USP13: variants seen among roughly 807,000 people sequenced by gnomAD.
USP13 encodes the protein ubiquitin carboxyl-terminal hydrolase 13.
In USP13, 68 loss-of-function variants were observed where a neutral mutation model predicts 107.8. The observed-to-expected ratio is 0.63, with a 90% confidence interval of 0.52 to 0.77. The LOEUF (loss-of-function observed/expected upper bound fraction) is 0.77. Among genes scored for constraint, USP13 ranks in the 30% least tolerant of loss-of-function variants. The pLI is 0.00. For synonymous variants in USP13, 377 were observed against 389.5 expected (o/e 0.97, Z 0.38); for missense variants, 945 against 1,093.3 (o/e 0.86, Z 1.91).
At chr3:179,684,132 T>C (rs2108456252) in intron 2 of USP13, among the ~76,000 whole-genome samples, 1 of 152,038 alleles carries the variant, frequency 6.6e-6, no homozygotes, top group South Asian at 2.1e-4. Flanking sequence ...GGCTAACTTT[T>C]GTATTTTTAG....
intron 3 of USP13, among the ~76,000 whole-genome samples, chr3:179,698,775 T>G (rs1029785451): frequency 6.6e-6 from 1 of 152,168 alleles, no homozygotes; most frequent in African/African-American, 2.4e-5. Context: ...TGAAGATGAA[T>G]TTTGTGTTTT....
At chr3:179,771,227 T>C (rs1035469467) in intron 19 of USP13, among the ~76,000 whole-genome samples, 3 of 152,134 alleles carry the variant, frequency 2.0e-5, no homozygotes, top group African/African-American at 7.2e-5. Context: ...ACTATATCTT[T>C]CCAGGTTAAA....
At chr3:179,671,082 G>A (rs756444560) in intron 1 of USP13, among the ~76,000 whole-genome samples, 9 of 151,932 alleles carry the variant, frequency 5.9e-5, no homozygotes, top group South Asian at 4.2e-4. Flanking sequence ...TCGAAACCCC[G>A]TCTCTACTAA....
chr3:179,750,322 GTGTGTATA>G (rs1714560622), intron 13 of USP13, among the ~76,000 whole-genome samples: 1 of 43,932 alleles, frequency 2.3e-5, no homozygotes, highest in Non-Finnish European at 4.4e-5. Flanking sequence ...ATATATATAT[GTGTGTATA>G]TATATATATA....
At chr3:179,740,967 A>G (rs753286489) in intron 11 of USP13, among the ~76,000 whole-genome samples, 4 of 151,858 alleles carry the variant, frequency 2.6e-5, no homozygotes, top group Non-Finnish European at 5.9e-5. Context: ...GGGTTTCACC[A>G]TGTTGGTCAG....
chr3:179,662,888 G>A (rs947995750), intron 1 of USP13, among the ~76,000 whole-genome samples: 2 of 152,154 alleles, frequency 1.3e-5, no homozygotes, highest in East Asian at 1.9e-4. Flanking sequence ...AGTTAAAGGA[G>A]CGGCCATCCA....
At chr3:179,669,839 C>G (rs1720698851) in intron 1 of USP13, among the ~76,000 whole-genome samples, 1 of 152,190 alleles carries the variant, frequency 6.6e-6, no homozygotes. Flanking sequence ...TTGACCCCCC[C>G]CTCCATAATT....
chr3:179,701,538 G>A (rs1350077365), intron 4 of USP13, among the ~76,000 whole-genome samples: 1 of 152,118 alleles, frequency 6.6e-6, no homozygotes, highest in Non-Finnish European at 1.5e-5. Context: ...TGTTTATTAT[G>A]TTGGCCTTCC....
chr3:179,677,352 G>A (rs1711510866), intron 1 of USP13, among the ~76,000 whole-genome samples: 1 of 151,946 alleles, frequency 6.6e-6, no homozygotes, highest in South Asian at 2.1e-4. Context: ...GGAGGCCGAG[G>A]TGGGTGGATA....
intron 10 of USP13, among the ~76,000 whole-genome samples, chr3:179,732,445 G>A (rs201046443): frequency 6.6e-6 from 1 of 152,302 alleles, no homozygotes; most frequent in East Asian, 1.9e-4. Context: ...AAGGAGCTGG[G>A]AGTCGGACTC....
intron 1 of USP13, among the ~76,000 whole-genome samples, chr3:179,661,686 G>A (rs371760036): frequency 9.9e-5 from 15 of 152,196 alleles, no homozygotes; most frequent in African/African-American, 2.9e-4. Context: ...CTGGGTATTC[G>A]ATACCAGCTG....
intron 13 of USP13, among the ~76,000 whole-genome samples, chr3:179,746,393 G>A (rs1714409052): frequency 6.6e-6 from 1 of 151,010 alleles, no homozygotes; most frequent in South Asian, 2.1e-4. Flanking sequence ...AGCTGGGAAT[G>A]CAGGCACATG....
intron 8 of USP13, among the ~76,000 whole-genome samples, chr3:179,725,380 G>T (rs1713477813): frequency 6.6e-6 from 1 of 152,006 alleles, no homozygotes; most frequent in African/African-American, 2.4e-5. Flanking sequence ...GTTATATATT[G>T]TTAGGAATTC....
intron 1 of USP13, 135 bp from the exon 2 acceptor site, chr3:179,681,743 G>A: frequency 9.1e-7 from 1 of 1,096,154 alleles, no homozygotes; most frequent in African/African-American, 1.6e-5. Context: ...ACAAGGTAGG[G>A]TATCACAGCA....
rs562727496 is a variant in USP13 at position 179,720,581 on chromosome 3, C to T, written c.900+547C>T. Among the ~76,000 whole-genome samples the T allele has an allele frequency of 4.4e-4, 67 of 152,288 alleles. 1 individual carries two copies. The Middle Eastern group carries it at 0.024, about 54-fold the overall frequency. ...TGCGTTTCGTTTTAGCCCTTTCCTT[C>T]CAGGTCGCCTCCCTCTCTTCATGTT... On this transcript the variant is annotated intron_variant, in intron 7 of 20. Coordinates refer to ENST00000263966, the MANE Select transcript of USP13 (RefSeq NM_003940.3).
chr3:179,757,237 G>A, intron 16 of USP13, 159 bp downstream of exon 16: 1 of 746,512 alleles, frequency 1.3e-6, no homozygotes, highest in Middle Eastern at 2.4e-4. Flanking sequence ...GTGACATGCT[G>A]ATCAGGTGGC....
intron 19 of USP13, among the ~76,000 whole-genome samples, chr3:179,772,886 G>A (rs1239013836): frequency 6.6e-6 from 1 of 152,132 alleles, no homozygotes; most frequent in Admixed American, 6.5e-5. Context: ...GCTGCCTTCC[G>A]ATGTTATTGA....
intron 1 of USP13, among the ~76,000 whole-genome samples, chr3:179,676,910 G>A (rs1014370798): frequency 2.0e-5 from 3 of 152,194 alleles, no homozygotes; most frequent in South Asian, 2.1e-4. Flanking sequence ...GCAGGCTGGC[G>A]TGCAGTGGCA....
intron 6 of USP13, among the ~76,000 whole-genome samples, chr3:179,709,547 G>A (rs1027346814): frequency 1.3e-5 from 2 of 152,088 alleles, no homozygotes; most frequent in African/African-American, 4.8e-5. Flanking sequence ...AGTTGGTTCT[G>A]TTTCTTTTTG....
Sources: gnomAD v4.1 joint callset for allele counts (sites outside exome capture counted in the v4.1 genomes callset) on GRCh38, gnomAD v4.1.1 for gene constraint, MANE v1.5 for transcripts, NCBI Gene and HGNC (gene_info 2026-07-23, HGNC 2026-07-21) for gene names.